Variants in EIF2AK2 observed in about 807,000 individuals in gnomAD.
The protein encoded by EIF2AK2 is interferon-induced, double-stranded RNA-activated protein kinase.
A neutral mutation model predicts 70.5 loss-of-function variants in EIF2AK2; 40 were observed. The ratio of observed to expected loss-of-function variants is 0.57; its 90% CI spans 0.44 to 0.74. The LOEUF (loss-of-function observed/expected upper bound fraction) is 0.74, where lower values mean the gene tolerates loss of function less well. Among genes scored for constraint, EIF2AK2 ranks in the 30% least tolerant of loss-of-function variants. EIF2AK2 has a pLI of 0.00. For synonymous variants in EIF2AK2, 198 were observed against 220.9 expected, an observed-to-expected ratio of 0.90 and a Z score of 0.92; for missense variants, 555 against 644.3, an observed-to-expected ratio of 0.86 and a Z score of 1.50.
Position 37,109,184 on chromosome 2 carries a change from A to T in EIF2AK2, c.1479+10T>A. On this transcript the variant is annotated intron_variant, in intron 15 of 16. Transcript: ENST00000233057. The stretch of plus-strand genomic sequence containing the variant: ...TTTCTTGTTTAATTCTTTCTTTGAG[A>T]TAATTTTACCTTTGATGTTTCAAAA... 1 of 1,612,974 alleles carries T rather than the reference A, an allele frequency of 6.2e-7. No individual in the cohort carries two copies. The highest frequency in any genetic ancestry group is 1.3e-5 in the African/African-American group (1 of 75,002).
intron 1 of EIF2AK2, among the ~76,000 whole-genome samples, chr2:37,156,159 G>A (rs754794630): frequency 6.6e-6 from 1 of 152,128 alleles, no homozygotes; most frequent in African/African-American, 2.4e-5. Context: ...AAGCTTTCCA[G>A]AAAGAAGAAA....
intron 10 of EIF2AK2, among the ~76,000 whole-genome samples, chr2:37,129,566 G>T (rs922260583): frequency 5.3e-5 from 8 of 152,182 alleles, no homozygotes; most frequent in African/African-American, 1.9e-4. Flanking sequence ...AATTGGGACG[G>T]TATCTGGTAA....
At chr2:37,149,656 A>C (rs1487883796) in intron 1 of EIF2AK2, among the ~76,000 whole-genome samples, 2 of 152,174 alleles carry the variant, frequency 1.3e-5, no homozygotes. Flanking sequence ...GGTGTTGTTT[A>C]AACCTAGGTT....
chr2:37,149,424 C>A (rs7419391), intron 1 of EIF2AK2: 4 of 458,972 alleles, frequency 8.7e-6, no homozygotes, highest in Non-Finnish European at 1.6e-5. Context: ...TCAATGTGCA[C>A]GAATTTTTCA....
chr2:37,143,027 C>A (rs1470993719), intron 4 of EIF2AK2, among the ~76,000 whole-genome samples: 1 of 151,928 alleles, frequency 6.6e-6, no homozygotes, highest in South Asian at 2.1e-4. Flanking sequence ...AGGAGTTAAA[C>A]ACCAGCCTGG....
intron 13 of EIF2AK2, among the ~76,000 whole-genome samples, chr2:37,115,400 T>C (rs1445756988): frequency 1.3e-5 from 2 of 151,954 alleles, no homozygotes; most frequent in African/African-American, 2.4e-5. Flanking sequence ...GAGGTGGCTC[T>C]GGGCACAGCT....
intron 10 of EIF2AK2, among the ~76,000 whole-genome samples, chr2:37,130,822 T>A (rs1674914329): frequency 1.3e-5 from 2 of 152,160 alleles, no homozygotes; most frequent in Non-Finnish European, 2.9e-5. Flanking sequence ...TGTGGACAAT[T>A]TACTTCTTTG....
intron 11 of EIF2AK2, among the ~76,000 whole-genome samples, chr2:37,124,918 A>T (rs991797930): frequency 6.6e-5 from 10 of 151,744 alleles, no homozygotes; most frequent in African/African-American, 2.2e-4. Flanking sequence ...GTAGAGGTGG[A>T]GTTTTGCCAT....
At chr2:37,142,596 G>A (rs1675373451) in intron 4 of EIF2AK2, among the ~76,000 whole-genome samples, 1 of 148,216 alleles carries the variant, frequency 6.7e-6, no homozygotes, top group Non-Finnish European at 1.5e-5. Flanking sequence ...CTAACTTCTT[G>A]ACTCAATTTT....
intron 4 of EIF2AK2, among the ~76,000 whole-genome samples, chr2:37,144,325 AC>A (rs1675446672): frequency 6.7e-6 from 1 of 149,128 alleles, no homozygotes; most frequent in South Asian, 2.2e-4. Context: ...TATTTACTAT[AC>A]TTTTTTTATC....
chr2:37,154,380 C>T (rs1238931321), intron 1 of EIF2AK2, among the ~76,000 whole-genome samples: 3 of 152,088 alleles, frequency 2.0e-5, no homozygotes, highest in East Asian at 3.9e-4. Flanking sequence ...TTCAATCATG[C>T]AGTCTCCACA....
intron 6 of EIF2AK2, among the ~76,000 whole-genome samples, chr2:37,138,821 G>T (rs935104053): frequency 6.6e-6 from 1 of 151,946 alleles, no homozygotes; most frequent in African/African-American, 2.4e-5. Context: ...TTTCAGACAG[G>T]ATCTGGCTCT....
chr2:37,138,739 G>C (rs1260467230), intron 6 of EIF2AK2, among the ~76,000 whole-genome samples, 154 bp from the exon 7 acceptor site: 1 of 152,098 alleles, frequency 6.6e-6, no homozygotes, highest in African/African-American at 2.4e-5. Context: ...TTGGATGTTT[G>C]GTCTGGATTT....
intron 1 of EIF2AK2, 167 bp from the exon 2 acceptor site, chr2:37,149,190 G>T: frequency 1.8e-6 from 2 of 1,098,150 alleles, no homozygotes; most frequent in South Asian, 1.2e-5. Flanking sequence ...TATGCTTGTC[G>T]TGCCTGTGGT....
At chr2:37,134,703 C>G (rs541843290) in intron 10 of EIF2AK2, among the ~76,000 whole-genome samples, 1 of 152,356 alleles carries the variant, frequency 6.6e-6, no homozygotes, top group African/African-American at 2.4e-5. Flanking sequence ...AAACACCCAT[C>G]TTTAATTCAC....
intron 8 of EIF2AK2, among the ~76,000 whole-genome samples, chr2:37,137,343 C>T (rs4648194): frequency 1.3e-5 from 2 of 152,164 alleles, no homozygotes; most frequent in Non-Finnish European, 2.9e-5. Flanking sequence ...TACTGAGCTG[C>T]TTGCCATTTT....
At chr2:37,109,980 A>G (rs1363515129) in intron 14 of EIF2AK2, among the ~76,000 whole-genome samples, 2 of 152,322 alleles carry the variant, frequency 1.3e-5, no homozygotes, top group South Asian at 4.1e-4. Context: ...TTATAGTCTT[A>G]TAAGTTACAG....
intron 13 of EIF2AK2, among the ~76,000 whole-genome samples, chr2:37,115,417 G>A (rs1318524394): frequency 3.3e-5 from 5 of 151,702 alleles, no homozygotes; most frequent in African/African-American, 4.8e-5. Context: ...AGCTGCCCTC[G>A]AATATCTGAA....
rs745741604 is a variant in EIF2AK2 at position 37,137,008 on chromosome 2, T to C, written c.697A>G (p.Arg233Gly). The change falls in exon 9 of 17, where the codon AGA becomes GGA. Residue 233 changes from arginine (R) to glycine (G), a missense_variant. Transcript: ENST00000233057. ...NSSSLLMNGL[R>G]NNQRKAKRSL... ...CTTTTTGCCTTCCTTTGATTATTTC[T>C]GAGACCATTCTATAACAAAAGAAAA... The C allele has an allele frequency of 3.7e-6, 6 of 1,604,796 alleles. No individual in the cohort carries two copies. Among genetic ancestry groups the C allele is most frequent in the Middle Eastern group, 3.3e-4 (2 of 6,024 alleles).
Sources: gnomAD v4.1 joint callset for allele counts (sites outside exome capture counted in the v4.1 genomes callset) on GRCh38, gnomAD v4.1.1 for gene constraint, MANE v1.5 for transcripts, NCBI Gene and HGNC (gene_info 2026-07-23, HGNC 2026-07-21) for gene names.